Variants in DENND2B observed in about 807,000 individuals in gnomAD.
The protein encoded by DENND2B is DENN domain containing 2B, also known as DENN domain-containing protein 2B.
In DENND2B, 32 loss-of-function variants were observed where a neutral mutation model predicts 116.0. The ratio of observed to expected loss-of-function variants is 0.28; its 90% CI spans 0.21 to 0.37. The LOEUF (loss-of-function observed/expected upper bound fraction) is 0.37. Among genes scored for constraint, DENND2B ranks in the 10% least tolerant of loss-of-function variants. DENND2B has a pLI of 1.00. For synonymous variants in DENND2B, 588 were observed against 583.9 expected (o/e 1.01, Z -0.10); for missense variants, 1,276 against 1,477.7 (o/e 0.86, Z 2.24).
chr11:8,710,787 ACACACACC>A, intron 11 of DENND2B, 50 bp downstream of exon 11: 9 of 1,407,270 alleles, frequency 6.4e-6, no homozygotes, highest in Non-Finnish European at 7.9e-6. Context: ...ACACACACAC[ACACACACC>A]CTGGCCTATC....
chr11:8,710,770 C>A, intron 11 of DENND2B, 75 bp downstream of exon 11: 1 of 1,279,336 alleles, frequency 7.8e-7, no homozygotes, highest in African/African-American at 1.5e-5. Context: ...CACACACACA[C>A]ACACACACAC....
At chr11:8,695,601 A>G in intron 18 of DENND2B, 52 bp from the exon 19 acceptor site, 1 of 1,522,522 alleles carries the variant, frequency 6.6e-7, no homozygotes, top group Non-Finnish European at 9.1e-7. Context: ...GAGGAAGGGA[A>G]GGAGAGGCCT....
chr11:8,883,661 TA>T (rs1401332658), intron 1 of DENND2B, among the ~76,000 whole-genome samples: 4 of 152,210 alleles, frequency 2.6e-5, no homozygotes, highest in African/African-American at 9.7e-5. Flanking sequence ...ATGAAGATAA[TA>T]ATTGCTTACA....
At chr11:8,785,357 GA>G (rs2058803901) in intron 1 of DENND2B, 1 of 152,208 alleles carries the variant, frequency 6.6e-6, no homozygotes, top group Non-Finnish European at 1.5e-5. Context: ...AAAGTCACCA[GA>G]GGATAAAATG....
chr11:8,801,701 G>GAAAGAAAGAAAGAAAC (rs796319245), intron 1 of DENND2B, among the ~76,000 whole-genome samples: 1 of 145,642 alleles, frequency 6.9e-6, no homozygotes, highest in Non-Finnish European at 1.5e-5. Context: ...AAGAAAGAAA[G>GAAAGAAAGAAAGAAAC]AAACAAACAA....
chr11:8,708,122 G>A, intron 11 of DENND2B: 4 of 1,382,134 alleles, frequency 2.9e-6, no homozygotes, highest in Non-Finnish European at 3.8e-6. Flanking sequence ...CTCCCAGGAG[G>A]ACGCTGACGG....
intron 3 of DENND2B, among the ~76,000 whole-genome samples, chr11:8,849,321 C>A (rs547416011): frequency 7.3e-5 from 11 of 150,854 alleles, no homozygotes; most frequent in Non-Finnish European, 1.2e-4. Context: ...GGTGAAACCC[C>A]GTCTCTACTA....
At chr11:8,806,284 C>T (rs986003915) in intron 1 of DENND2B, among the ~76,000 whole-genome samples, 8 of 152,180 alleles carry the variant, frequency 5.3e-5, no homozygotes, top group African/African-American at 1.4e-4. Context: ...CACACAACCC[C>T]TTTGGTGATG....
intron 4 of DENND2B, chr11:8,718,375 G>T: frequency 6.5e-7 from 1 of 1,535,436 alleles, no homozygotes; most frequent in South Asian, 1.2e-5. Context: ...GGGTGGGCAT[G>T]GAGGAACTCA....
intron 17 of DENND2B, 96 bp from the exon 18 acceptor site, chr11:8,696,762 T>C (rs1592286706): frequency 9.8e-6 from 15 of 1,527,424 alleles, no homozygotes; most frequent in East Asian, 2.3e-5. Context: ...CAACAAGACT[T>C]CCAGCCAGTA....
chr11:8,787,170 T>G (rs1416415451), intron 1 of DENND2B: 1 of 152,184 alleles, frequency 6.6e-6, no homozygotes, highest in African/African-American at 2.4e-5. Flanking sequence ...TAGGGTGTTT[T>G]TATGTCAACT....
At position 8,711,186 on chromosome 11, in the gene DENND2B, T is replaced by TGA; in HGVS notation, c.2216_2217dup (p.Lys740SerfsTer30). 1 of 1,614,138 alleles carries TGA rather than the reference T, an allele frequency of 6.2e-7. No homozygotes were observed. The highest frequency in any genetic ancestry group is 8.5e-7 in the Non-Finnish European group (1 of 1,180,028). ...GGGAAGCAAAACTGGGGAATGGCTT[T>TGA]GAGCCTTTCCTCTGCCTCTCGCATC... On this transcript the variant is annotated frameshift_variant, in exon 10 of 20. Coordinates refer to ENST00000313726, the MANE Select transcript of DENND2B (RefSeq NM_213618.2). LOFTEE classifies it high-confidence loss of function.
intron 1 of DENND2B, among the ~76,000 whole-genome samples, chr11:8,887,881 C>T (rs1263626381): frequency 6.6e-6 from 1 of 152,184 alleles, no homozygotes; most frequent in African/African-American, 2.4e-5. Context: ...TCTGTGACTT[C>T]CAGTATACAC....
intron 1 of DENND2B, among the ~76,000 whole-genome samples, chr11:8,778,241 G>C (rs992785953): frequency 6.6e-6 from 1 of 152,182 alleles, no homozygotes; most frequent in South Asian, 2.1e-4. Context: ...CAGCCATAAC[G>C]AGCACCTAGT....
At chr11:8,787,740 C>CA (rs1399556744) in intron 1 of DENND2B, among the ~76,000 whole-genome samples, 1 of 152,228 alleles carries the variant, frequency 6.6e-6, no homozygotes, top group Admixed American at 6.5e-5. Flanking sequence ...TCTTTTCTCT[C>CA]AACTCCCTTT....
intron 1 of DENND2B, chr11:8,771,566 A>AGAGAGAGAGAGAGAGAGAGGGC (rs146752028): frequency 4.2e-5 from 5 of 120,310 alleles, no homozygotes; most frequent in Non-Finnish European, 3.6e-5. Flanking sequence ...AGAGAGAGAG[A>AGAGAGAGAGAGAGAGAGAGGGC]GCCTTCTTCC....
At chr11:8,910,283 G>T (rs1261604203) in intron 1 of DENND2B, among the ~76,000 whole-genome samples, 1 of 151,458 alleles carries the variant, frequency 6.6e-6, no homozygotes, top group Admixed American at 6.6e-5. Context: ...TTCTCCAAAG[G>T]CCACCTTGGC....
At chr11:8,740,909 A>G (rs2050082479) in intron 2 of DENND2B, among the ~76,000 whole-genome samples, 1 of 152,214 alleles carries the variant, frequency 6.6e-6, no homozygotes, top group Non-Finnish European at 1.5e-5. Context: ...AAAAGGAGGA[A>G]GAGTGCCTCA....
At chr11:8,810,790 T>TCTCTCTCTCTCTCTCTCTCTCTCTC, upstream of DENND2B, 1 of 146,996 alleles carries the variant, frequency 6.8e-6, no homozygotes, top group South Asian at 2.1e-4. Context: ...CGCTCTCTTT[T>TCTCTCTCTCTCTCTCTCTCTCTCTC]TCTTTCTTTC....
Sources: allele counts gnomAD v4.1 joint callset (sites outside exome capture counted in the v4.1 genomes callset), GRCh38; gene constraint gnomAD v4.1.1; transcripts MANE v1.5; gene names NCBI Gene and HGNC (gene_info 2026-07-23, HGNC 2026-07-21).